Variants in GMPPA observed in about 807,000 individuals in gnomAD.
GMPPA encodes GDP-mannose pyrophosphorylase A, also known as mannose-1-phosphate guanylyltransferase regulatory subunit alpha.
Under a neutral mutation model 58.6 loss-of-function variants are expected in GMPPA, and 46 were observed. The observed-to-expected ratio is 0.78, with a 90% confidence interval of 0.62 to 1.00. The LOEUF is 1.00. GMPPA is among the 50% of genes least tolerant of loss of function. The pLI is 0.00. For missense variants in GMPPA, 468 were observed against 556.4 expected, an observed-to-expected ratio of 0.84 and a Z score of 1.60; for synonymous variants, 211 against 214.9, an observed-to-expected ratio of 0.98 and a Z score of 0.16.
chr2:219,504,045 T>G (rs967166366), intron 6 of GMPPA, 38 bp from the exon 7 acceptor site: 32 of 1,612,112 alleles, frequency 2.0e-5, no homozygotes, highest in Non-Finnish European at 2.3e-5. Flanking sequence ...GTGGCGGTAG[T>G]CCCTTCTTCT....
chr2:219,506,889 AG>A lies in GMPPA; in HGVS notation c.*92del. ...CCTCTGTCCAGAAAGGACCAGAGAAAGCCAGGCTGGATCGTCACATGCCGGG... is the reference window on the plus strand; with the variant it reads ...CCTCTGTCCAGAAAGGACCAGAGAAACCAGGCTGGATCGTCACATGCCGGG... On this transcript the variant is annotated 3_prime_UTR_variant, in exon 13 of 13. Transcript: ENST00000313597. The A allele has an allele frequency of 1.4e-6, 1 of 716,234 alleles. No individual in the cohort carries two copies. Among genetic ancestry groups the A allele is most frequent in the Non-Finnish European group, 2.6e-6 (1 of 391,656 alleles). 44.4% of individuals were successfully genotyped at this position (716,234 alleles called of 1,614,324 possible).
intron 1 of GMPPA, among the ~76,000 whole-genome samples, chr2:219,499,453 C>T (rs1276955525): frequency 3.3e-5 from 5 of 152,100 alleles, no homozygotes; most frequent in Admixed American, 6.6e-5. Flanking sequence ...AGAATGAAGA[C>T]GCAACACTTT....
rs978398251 is a variant in GMPPA, at chr2:219,502,621, A to C, written c.489+180A>C. 1.3e-5 allele frequency among the ~76,000 whole-genome samples: 2 copies of C among 149,014 alleles called. No homozygotes were observed. The highest frequency in any genetic ancestry group is 2.3e-4 in the South Asian group (1 of 4,438). On this transcript the variant is annotated intron_variant, in intron 6 of 12. Coordinates refer to ENST00000313597, the MANE Select transcript of GMPPA (RefSeq NM_013335.4). The surrounding 1 kb of genome is among the most constrained non-coding windows in gnomAD (Gnocchi z 4.0). The stretch of plus-strand genomic sequence containing the variant: ...GAGATTGACCAGGGGGAGGGGGGGA[A>C]TGGTTAATTTCCCTGGGGGTGGTGC...
At chr2:219,499,850 G>A (rs1001554213) in intron 1 of GMPPA, 106 bp from the exon 2 acceptor site, 23 of 822,228 alleles carry the variant, frequency 2.8e-5, no homozygotes, top group Admixed American at 5.2e-5. Context: ...AGACTATATT[G>A]AGCTTTGGGT....
Position 219,501,877 on chromosome 2 carries a change from G to A in GMPPA, c.269G>A (p.Gly90Asp). ...VRYLQEFAPL[G>D]TGGGLYHFRD... ...TACCTGCAGGAATTTGCCCCCCTAG[G>A]CACAGGGGGTGGTCTTTACCATTTT... The change falls in exon 5 of 13, where the codon GGC becomes GAC. Residue 90 changes from glycine (G) to aspartate (D), a missense_variant. Physicochemically the swap from Gly to Asp is moderately conservative, Grantham distance 94. Transcript: ENST00000313597. 1 of 1,614,178 alleles carries A rather than the reference G, an allele frequency of 6.2e-7. No homozygotes were observed. The highest frequency in any genetic ancestry group is 8.5e-7 in the Non-Finnish European group (1 of 1,180,006).
chr2:219,503,973 C>G, intron 6 of GMPPA, 110 bp from the exon 7 acceptor site: 1 of 1,263,802 alleles, frequency 7.9e-7, no homozygotes, highest in Non-Finnish European at 1.1e-6. Flanking sequence ...TTTAGCCAGG[C>G]CACCCTGGCA....
intron 9 of GMPPA, 45 bp downstream of exon 9, chr2:219,505,600 C>T: frequency 1.9e-6 from 3 of 1,566,466 alleles, no homozygotes; most frequent in Non-Finnish European, 1.7e-6. Context: ...TCCACCCCAG[C>T]CCTCTGAACC....
chr2:219,503,426 C>T (rs1034050945), intron 6 of GMPPA, among the ~76,000 whole-genome samples: 1 of 152,148 alleles, frequency 6.6e-6, no homozygotes, highest in East Asian at 1.9e-4. Flanking sequence ...CCATACCTGG[C>T]GTCACATACT....
At position 219,506,037 on chromosome 2, in the gene GMPPA, C is replaced by G. The variant is rs549821547; in HGVS notation, c.958C>G (p.Arg320Gly). Reference sequence around the variant, plus strand: ...GACCGTGGGTGAGGGTGTGCGGCTCCGGGAGAGCATCGTCCTCCATGGAGC... The same window carrying G: ...GACCGTGGGTGAGGGTGTGCGGCTCGGGGAGAGCATCGTCCTCCATGGAGC... ...GVTVGEGVRLRESIVLHGATL... is the reference protein window; with the variant it reads ...GVTVGEGVRLGESIVLHGATL... Residue 320 changes from arginine (R) to glycine (G), a missense_variant, in exon 11 of 13, where the codon CGG (arginine) becomes GGG (glycine). Transcript: ENST00000313597. The G allele has an allele frequency of 6.3e-7, 1 of 1,594,988 alleles. No individual in the cohort carries two copies. Among genetic ancestry groups the G allele is most frequent in the Middle Eastern group, 1.7e-4 (1 of 6,022 alleles).
At chr2:219,503,380 C>T (rs1694466159) in intron 6 of GMPPA, among the ~76,000 whole-genome samples, 1 of 152,160 alleles carries the variant, frequency 6.6e-6, no homozygotes, top group Non-Finnish European at 1.5e-5. Flanking sequence ...CTACTTCAGC[C>T]TTCCAAAGTG....
At chr2:219,503,837 A>C (rs72967488) in intron 6 of GMPPA, among the ~76,000 whole-genome samples, 150 of 152,340 alleles carry the variant, frequency 9.8e-4, no homozygotes, top group Non-Finnish European at 1.6e-3. Flanking sequence ...TCTGAGAGGT[A>C]GGTGGTGGGG....
intron 3 of GMPPA, chr2:219,500,552 T>G: frequency 2.9e-6 from 1 of 350,016 alleles, no homozygotes; most frequent in Non-Finnish European, 5.3e-6. Context: ...CTTGATCACA[T>G]TGTTGCTCAT....
rs1694538019 is a variant in GMPPA, at chr2:219,505,243, C to T, written c.636C>T (p.Gly212=). The part of the protein sequence containing the change: ...QQDGQLEDSP[G]LWPGAGTIRL... ...TCTCTGCCAGGGAGGACTCACCAGG[C>T]TTGTGGCCAGGGGCAGGTACCATCC... Residue 212 remains glycine (G), a synonymous_variant, in exon 8 of 13, where the codon GGC becomes GGT. Coordinates refer to ENST00000313597, the MANE Select transcript of GMPPA (RefSeq NM_013335.4). 5 of 1,613,982 alleles carry T rather than the reference C, an allele frequency of 3.1e-6. No individual in the cohort carries two copies. Among genetic ancestry groups the T allele is most frequent in the Non-Finnish European group, 4.2e-6 (5 of 1,179,854 alleles).
chr2:219,503,681 C>T (rs2125634935), intron 6 of GMPPA, among the ~76,000 whole-genome samples: 1 of 152,174 alleles, frequency 6.6e-6, no homozygotes, highest in East Asian at 1.9e-4. Context: ...TCAGGAGTGC[C>T]CAGGCATGAA....
At chr2:219,505,662 T>C (rs754262824) in intron 9 of GMPPA, 53 bp from the exon 10 acceptor site, 3 of 1,601,614 alleles carry the variant, frequency 1.9e-6, no homozygotes, top group Non-Finnish European at 2.6e-6. Context: ...TGCCCCTTCC[T>C]GATCAAATTC....
At chr2:219,506,633 C>A in intron 12 of GMPPA, 65 bp from the exon 13 acceptor site, 1 of 1,036,682 alleles carries the variant, frequency 9.6e-7, no homozygotes, top group Non-Finnish European at 1.5e-6. Flanking sequence ...CTGGCAGTGG[C>A]CCCCAGCTCC....
At chr2:219,505,165 G>A (rs1308102050) in intron 7 of GMPPA, 63 bp from the exon 8 acceptor site, 8 of 1,565,890 alleles carry the variant, frequency 5.1e-6, no homozygotes, top group Admixed American at 1.7e-5. Context: ...CTGGGAGACT[G>A]TGTTAGCCCC....
At position 219,506,681 on chromosome 2, in the gene GMPPA, C is replaced by A. The variant is rs372766900; in HGVS notation, c.1163-17C>A. On this transcript the variant is annotated splice_polypyrimidine_tract_variant and intron_variant, in intron 12 of 12. Transcript: ENST00000313597. ...CCCCTCCCATGACCTCCCCTGGTGC[C>A]CTCATCCATGCTGCAGGCTGCCGAG... 6.8e-6 allele frequency: 10 copies of A among 1,462,162 alleles called. No homozygotes were observed. The highest frequency in any genetic ancestry group is 9.6e-6 in the Non-Finnish European group (10 of 1,042,620). 90.6% of individuals were successfully genotyped at this position (1,462,162 alleles called of 1,614,324 possible).
Position 219,502,968 on chromosome 2 carries a change from G to A in GMPPA, c.489+527G>A, listed in dbSNP as rs1694452759. 6.6e-6 allele frequency among the ~76,000 whole-genome samples: 1 copy of A among 152,096 alleles called. No homozygotes were observed. The highest frequency in any genetic ancestry group is 1.5e-5 in the Non-Finnish European group (1 of 67,996). ...CTCCTTTATTTATTTATGTATGTAT[G>A]TGTTTATTTATTTATTTTGAGACAG... is the stretch of plus-strand genomic sequence containing the variant. On this transcript the variant is annotated intron_variant, in intron 6 of 12. Transcript: ENST00000313597. The surrounding 1 kb of genome is among the most constrained non-coding windows in gnomAD (Gnocchi z 4.0).
Sources: allele counts gnomAD v4.1 joint callset (sites outside exome capture counted in the v4.1 genomes callset), GRCh38; gene constraint gnomAD v4.1.1; non-coding constraint Gnocchi (gnomAD v3.1); transcripts MANE v1.5; gene names NCBI Gene and HGNC (gene_info 2026-07-23, HGNC 2026-07-21).